The following MEIS2 variants were observed in gnomAD, a reference collection of about 807,000 sequenced individuals.
MEIS2 encodes homeobox protein Meis2.
Under a neutral mutation model 58.6 loss-of-function variants are expected in MEIS2, and 9 were observed. The observed-to-expected ratio is 0.15, with a 90% CI of 0.09 to 0.27. The LOEUF (loss-of-function observed/expected upper bound fraction) is 0.27, where lower values mean the gene tolerates loss of function less well. Among genes scored for constraint, MEIS2 ranks in the 10% least tolerant of loss-of-function variants. The pLI, the probability that MEIS2 is intolerant of heterozygous loss-of-function variation, is 1.00. For missense variants in MEIS2, 427 were observed against 635.0 expected, an observed-to-expected ratio of 0.67 and a Z score of 3.52; for synonymous variants, 221 against 228.4, an observed-to-expected ratio of 0.97 and a Z score of 0.29.
intron 8 of MEIS2, among the ~76,000 whole-genome samples, chr15:36,995,611 GT>G (rs11384225): frequency 2.5e-3 from 343 of 135,038 alleles, no homozygotes; most frequent in African/African-American, 8.6e-3. Context: ...TTTCATTAGG[GT>G]TTTTTTTTTT....
chr15:36,970,273 G>T (rs1719908), intron 8 of MEIS2, among the ~76,000 whole-genome samples: 5,910 of 151,902 alleles, frequency 0.039, 369 homozygotes, highest in African/African-American at 0.13. Flanking sequence ...GCGTGGTGGC[G>T]GGCGCCTGTA....
intron 7 of MEIS2, among the ~76,000 whole-genome samples, chr15:37,070,599 C>CT (rs1277802802): frequency 1.3e-5 from 2 of 152,062 alleles, no homozygotes; most frequent in Non-Finnish European, 2.9e-5. Flanking sequence ...CCACAAAGTT[C>CT]TTTTTTGTTT....
chr15:36,907,929 G>GA (rs5811946), intron 9 of MEIS2, among the ~76,000 whole-genome samples: 136,279 of 150,812 alleles, frequency 0.9, 61,627 homozygotes, highest in East Asian at 0.98. Context: ...TGCCAATGGG[G>GA]AAAAAAAAAT....
intron 9 of MEIS2, among the ~76,000 whole-genome samples, chr15:36,927,692 C>G (rs1290898571): frequency 6.7e-6 from 1 of 149,290 alleles, no homozygotes; most frequent in Non-Finnish European, 1.5e-5. Context: ...ATATAAGAAA[C>G]AATAGACTAT....
chr15:36,988,565 G>T (rs910651566), intron 8 of MEIS2, among the ~76,000 whole-genome samples: 7 of 152,038 alleles, frequency 4.6e-5, no homozygotes, highest in Admixed American at 3.3e-4. Flanking sequence ...AGTTTGCCTT[G>T]GCCCAGGATA....
intron 7 of MEIS2, among the ~76,000 whole-genome samples, chr15:37,060,578 A>C (rs530394402): frequency 6.6e-6 from 1 of 152,338 alleles, no homozygotes; most frequent in Non-Finnish European, 1.5e-5. Flanking sequence ...GTAATTGAAA[A>C]TAAAAAATTA....
At chr15:37,090,964 C>T (rs894589200) in intron 6 of MEIS2, among the ~76,000 whole-genome samples, 4 of 152,148 alleles carry the variant, frequency 2.6e-5, no homozygotes, top group Admixed American at 2.0e-4. Flanking sequence ...TCTGAAGTGG[C>T]TCATCATCAC....
chr15:37,056,626 C>T (rs900705425), intron 7 of MEIS2, among the ~76,000 whole-genome samples: 1 of 152,192 alleles, frequency 6.6e-6, no homozygotes, highest in Non-Finnish European at 1.5e-5. Flanking sequence ...ATTACAGCCC[C>T]GCTCACTGCC....
At chr15:37,082,683 T>C (rs1294745632) in intron 7 of MEIS2, among the ~76,000 whole-genome samples, 1 of 152,214 alleles carries the variant, frequency 6.6e-6, no homozygotes, top group East Asian at 1.9e-4. Context: ...TGTGTTAGTT[T>C]CAATTTGCTT....
intron 9 of MEIS2, among the ~76,000 whole-genome samples, chr15:36,938,945 C>G (rs902485319): frequency 2.0e-5 from 3 of 152,194 alleles, no homozygotes; most frequent in Non-Finnish European, 2.9e-5. Flanking sequence ...TCCATGCTGT[C>G]CCCGCTGCAG....
At chr15:36,966,833 A>G (rs959676486) in intron 8 of MEIS2, among the ~76,000 whole-genome samples, 3 of 152,140 alleles carry the variant, frequency 2.0e-5, no homozygotes, top group African/African-American at 4.8e-5. Context: ...GTAGCCAGGG[A>G]GAGCATTTTG....
chr15:36,994,160 T>C (rs980769049), intron 8 of MEIS2, among the ~76,000 whole-genome samples: 26 of 152,270 alleles, frequency 1.7e-4, no homozygotes, highest in African/African-American at 6.0e-4. Flanking sequence ...TCAACGATTC[T>C]GGCAGGAAAG....
intron 8 of MEIS2, among the ~76,000 whole-genome samples, chr15:36,961,224 G>A (rs774167288): frequency 6.6e-6 from 1 of 151,986 alleles, no homozygotes; most frequent in Non-Finnish European, 1.5e-5. Flanking sequence ...GTATATAGAC[G>A]AAATCAACTG....
intron 8 of MEIS2, among the ~76,000 whole-genome samples, chr15:36,995,725 A>AAAAAAAAAAAAC (rs2060459063): frequency 2.2e-5 from 1 of 44,544 alleles, no homozygotes; most frequent in Non-Finnish European, 5.0e-5. Context: ...AAAAAAAAAA[A>AAAAAAAAAAAAC]AAAAAACAAA....
rs151231400 is a variant in MEIS2 at position 37,066,064 on chromosome 15, C to T, written c.754+17707G>A. 9.3e-3 allele frequency among the ~76,000 whole-genome samples: 1,412 copies of T among 152,298 alleles called. 24 individuals carry two copies. Among genetic ancestry groups the T allele is most frequent in the African/African-American group, 0.032 (1,342 of 41,564 alleles). On this transcript the variant is annotated intron_variant, in intron 7 of 11. Coordinates refer to ENST00000561208, the MANE Select transcript of MEIS2 (RefSeq NM_170675.5). ...ATTTCTAAGAACAAGGAGAAGATAACTAACCCTTTAGAATTGCCAATTTAA... is the reference window on the plus strand; with the variant it reads ...ATTTCTAAGAACAAGGAGAAGATAATTAACCCTTTAGAATTGCCAATTTAA...
chr15:37,013,032 G>A (rs975371896), intron 8 of MEIS2, among the ~76,000 whole-genome samples: 4 of 152,034 alleles, frequency 2.6e-5, no homozygotes, highest in Admixed American at 6.5e-5. Context: ...CTGGAGGAGG[G>A]GACCACACAA....
intron 7 of MEIS2, among the ~76,000 whole-genome samples, chr15:37,054,434 T>C (rs2063048462): frequency 6.6e-6 from 1 of 152,230 alleles, no homozygotes; most frequent in South Asian, 2.1e-4. Flanking sequence ...TTTGTTTTGT[T>C]TTTTGAGACA....
intron 8 of MEIS2, among the ~76,000 whole-genome samples, chr15:37,000,385 G>A (rs1439120100): frequency 6.6e-6 from 1 of 152,028 alleles, no homozygotes; most frequent in Non-Finnish European, 1.5e-5. Context: ...CATTACCCAA[G>A]CTTGCCAGCC....
At chr15:37,092,848 A>G (rs981064736) in intron 6 of MEIS2, among the ~76,000 whole-genome samples, 3 of 150,928 alleles carry the variant, frequency 2.0e-5, no homozygotes, top group Non-Finnish European at 4.4e-5. Context: ...ATTTCTTACT[A>G]TACTCTCCAT....
Sources: gnomAD v4.1 joint callset for allele counts (sites outside exome capture counted in the v4.1 genomes callset) on GRCh38, gnomAD v4.1.1 for gene constraint, MANE v1.5 for transcripts, NCBI Gene and HGNC (gene_info 2026-07-23, HGNC 2026-07-21) for gene names.